The following LIN7A variants were observed in gnomAD, a reference collection of about 807,000 sequenced individuals.
The protein encoded by LIN7A is lin-7 cell polarity scaffold A.
LIN7A carries 25 observed loss-of-function variants against 29.8 expected under a neutral mutation model. That is an observed-to-expected ratio of 0.84 (90% CI 0.61 to 1.17). The LOEUF is 1.17. Ranked by LOEUF, LIN7A falls within the 50% of genes most tolerant of loss-of-function variation. The probability of loss-of-function intolerance (pLI) is 0.00; values close to 1 mark genes in which losing one functional copy is unlikely to be tolerated. For missense variants in LIN7A, 239 were observed against 287.0 expected (o/e 0.83, Z 1.21); for synonymous variants, 118 against 107.5 (o/e 1.10, Z -0.60).
chr12:80,937,531 C>A lies in LIN7A; in HGVS notation c.82+110G>T, dbSNP rs1198761637. ...ACGCCTTCCTGGCTCGTCCTCGTTC[C>A]CCTTCTCCTCCTGCCTGAGCGCGTC... On this transcript the variant is annotated intron_variant, in intron 1 of 5. Transcript: ENST00000552864. 7 of 707,012 alleles carry A rather than the reference C, an allele frequency of 9.9e-6. No homozygotes were observed. In the Middle Eastern group the frequency reaches 1.8e-3, roughly 181 times the overall value. The allele number at this position is 707,012 out of a possible 1,614,324, so 43.8% of individuals were successfully genotyped here. A position where few individuals can be genotyped will look rare whatever the true frequency, so the allele number is the denominator to read the frequency against.
intron 2 of LIN7A, among the ~76,000 whole-genome samples, chr12:80,880,776 T>G (rs1163672): frequency 8.7e-6 from 1 of 115,366 alleles, no homozygotes; most frequent in Non-Finnish European, 1.8e-5. Context: ...CACACACACA[T>G]ACACACACAC....
At chr12:80,896,483 T>G (rs891214403) in intron 1 of LIN7A, among the ~76,000 whole-genome samples, 1 of 152,218 alleles carries the variant, frequency 6.6e-6, no homozygotes, top group African/African-American at 2.4e-5. Flanking sequence ...CTTCTATCAC[T>G]GCGATATGAA....
intron 1 of LIN7A, among the ~76,000 whole-genome samples, chr12:80,898,965 G>A (rs1164098988): frequency 2.0e-5 from 3 of 152,106 alleles, no homozygotes; most frequent in Non-Finnish European, 4.4e-5. Flanking sequence ...TCCTAATTTG[G>A]ATGCCTTTTC....
At chr12:80,819,312 C>T (rs1274791255) in intron 4 of LIN7A, among the ~76,000 whole-genome samples, 1 of 151,968 alleles carries the variant, frequency 6.6e-6, no homozygotes, top group East Asian at 1.9e-4. Context: ...TGTTAATTTT[C>T]CTGTTCTAAA....
rs71309554 is a variant in LIN7A, at chr12:80,899,770, C to CTTT, written c.83-10404_83-10402dup. Among the ~76,000 whole-genome samples the CTTT allele has an allele frequency of 2.6e-4, 33 of 125,544 alleles. 1 individual carries two copies. Among genetic ancestry groups the CTTT allele is most frequent in the African/African-American group, 8.0e-4 (28 of 35,182 alleles). The allele number at this position is 125,544 out of a possible 152,430, so 82.4% of individuals were successfully genotyped here. On this transcript the variant is annotated intron_variant, in intron 1 of 5. Coordinates refer to ENST00000552864, the MANE Select transcript of LIN7A (RefSeq NM_004664.4). ...CCTCTAGGTTTTCTTTTTTTCTTTTCTTTTTTTTTTTTTTTTGAGATCGAG... is the reference window on the plus strand; with the variant it reads ...CCTCTAGGTTTTCTTTTTTTCTTTTCTTTTTTTTTTTTTTTTTTTGAGATCGAG...
chr12:80,794,531 G>A lies in LIN7A; in HGVS notation c.*3196C>T, dbSNP rs752074945. 3 of 152,020 alleles carry A rather than the reference G, an allele frequency of 2.0e-5. No individual in the cohort carries two copies. The highest frequency in any genetic ancestry group is 1.9e-4 in the East Asian group (1 of 5,194). The allele number at this position is 152,020 out of a possible 1,614,324, so 9.4% of individuals were successfully genotyped here. ...AATATTCCACCTCTTGGGGTCCTACGGGCACAGTTGAGTAACATGAAATGA... is the reference window on the plus strand; with the variant it reads ...AATATTCCACCTCTTGGGGTCCTACAGGCACAGTTGAGTAACATGAAATGA... On this transcript the variant is annotated 3_prime_UTR_variant, in exon 6 of 6. Transcript: ENST00000552864.
At chr12:80,935,258 C>G (rs572738439) in intron 1 of LIN7A, among the ~76,000 whole-genome samples, 1 of 152,116 alleles carries the variant, frequency 6.6e-6, no homozygotes, top group South Asian at 2.1e-4. Context: ...GTGATAAATG[C>G]TTTAATGGGG....
intron 2 of LIN7A, among the ~76,000 whole-genome samples, chr12:80,867,323 A>G (rs4842287): frequency 0.43 from 65,074 of 151,888 alleles, 14,346 homozygotes; most frequent in East Asian, 0.67. Flanking sequence ...CATTGGCTGG[A>G]TCAGCTTCAC....
chr12:80,820,496 G>T (rs1871746215), intron 4 of LIN7A, among the ~76,000 whole-genome samples: 1 of 152,148 alleles, frequency 6.6e-6, no homozygotes, highest in Non-Finnish European at 1.5e-5. Flanking sequence ...CCACCTTTCA[G>T]ATCTGGAGAC....
At position 80,795,071 on chromosome 12, in the gene LIN7A, A is replaced by G. The variant is rs1870384911; in HGVS notation, c.*2656T>C. The stretch of plus-strand genomic sequence containing the variant: ...ATACCTAATTTGTTTATTACATTGA[A>G]TTGAGCTTCATGTCAGAGCAATGCA... On this transcript the variant is annotated 3_prime_UTR_variant, in exon 6 of 6. Transcript: ENST00000552864. 6.6e-6 allele frequency: 1 copy of G among 152,150 alleles called. No individual in the cohort carries two copies. Among genetic ancestry groups the G allele is most frequent in the South Asian group, 2.1e-4 (1 of 4,834 alleles). The allele number at this position is 152,150 out of a possible 1,614,324, so 9.4% of individuals were successfully genotyped here.
chr12:80,841,368 G>T (rs1297797741), intron 4 of LIN7A, among the ~76,000 whole-genome samples: 1 of 143,394 alleles, frequency 7.0e-6, no homozygotes, highest in African/African-American at 2.8e-5. Flanking sequence ...AGGAAGGAAG[G>T]AAGGAAGGAA....
rs370465323 is a variant in LIN7A at position 80,854,485 on chromosome 12, C to CAAAAAAAAAAAAA, written c.202-6164_202-6163insTTTTTTTTTTTTT. Among the ~76,000 whole-genome samples the CAAAAAAAAAAAAA allele has an allele frequency of 1.6e-4, 6 of 37,110 alleles. 3 individuals carry two copies. Among genetic ancestry groups the CAAAAAAAAAAAAA allele is most frequent in the Non-Finnish European group, 2.0e-4 (4 of 19,834 alleles). The allele number at this position is 37,110 out of a possible 152,430, so 24.3% of individuals were successfully genotyped here. On this transcript the variant is annotated intron_variant, in intron 2 of 5. Coordinates refer to ENST00000552864, the MANE Select transcript of LIN7A (RefSeq NM_004664.4). ...TGAATCTGAAATGCATGTTGCTAAG[C>CAAAAAAAAAAAAA]CAAAAAAAAAAAAAAAAAAAAAAGC...
chr12:80,839,019 A>G (rs1056908887), intron 4 of LIN7A, among the ~76,000 whole-genome samples: 2 of 152,214 alleles, frequency 1.3e-5, no homozygotes, highest in East Asian at 3.8e-4. Flanking sequence ...AGCCATTTGA[A>G]TCAGAGTAAA....
intron 4 of LIN7A, among the ~76,000 whole-genome samples, chr12:80,821,178 G>T (rs1014564869): frequency 3.3e-5 from 5 of 152,160 alleles, no homozygotes; most frequent in Non-Finnish European, 7.3e-5. Context: ...AGGGCAGAAA[G>T]GCCAGGGATT....
At chr12:80,921,693 GC>G (rs1877317965) in intron 1 of LIN7A, among the ~76,000 whole-genome samples, 2 of 152,020 alleles carry the variant, frequency 1.3e-5, no homozygotes, top group Admixed American at 1.3e-4. Context: ...CACATTAGGG[GC>G]TAGGGCTTCA....
chr12:80,809,681 T>A (rs1465331767), intron 5 of LIN7A, among the ~76,000 whole-genome samples: 1 of 152,236 alleles, frequency 6.6e-6, no homozygotes, highest in Non-Finnish European at 1.5e-5. Context: ...GGATTAGGGA[T>A]AAAATGTGAT....
At chr12:80,912,399 A>T (rs79208386) in intron 1 of LIN7A, among the ~76,000 whole-genome samples, 4,840 of 152,228 alleles carry the variant, frequency 0.032, 95 homozygotes, top group East Asian at 0.084. Context: ...TATTCTTATC[A>T]TTAATCATAG....
chr12:80,855,182 G>C (rs1209697445), intron 2 of LIN7A, among the ~76,000 whole-genome samples: 1 of 151,796 alleles, frequency 6.6e-6, no homozygotes, highest in African/African-American at 2.4e-5. Flanking sequence ...TATCTCAAGA[G>C]GGAAAAAAGT....
At chr12:80,894,967 A>G (rs1875810617) in intron 1 of LIN7A, among the ~76,000 whole-genome samples, 1 of 152,220 alleles carries the variant, frequency 6.6e-6, no homozygotes, top group Non-Finnish European at 1.5e-5. Flanking sequence ...ATCCAAAACC[A>G]GCTGTGTTTG....
Sources: allele counts gnomAD v4.1 joint callset (sites outside exome capture counted in the v4.1 genomes callset), GRCh38; gene constraint gnomAD v4.1.1; transcripts MANE v1.5; gene names NCBI Gene and HGNC (gene_info 2026-07-23, HGNC 2026-07-21).